CSE1L: variants seen among roughly 807,000 people sequenced by gnomAD.
The protein encoded by CSE1L is exportin-2.
CSE1L carries 24 observed loss-of-function variants against 120.4 expected under a neutral mutation model. That is an observed-to-expected ratio of 0.20 (90% CI 0.14 to 0.28). The LOEUF (loss-of-function observed/expected upper bound fraction) is 0.28, where lower values mean the gene tolerates loss of function less well. Among genes scored for constraint, CSE1L ranks in the 10% least tolerant of loss-of-function variants. The pLI, the probability that CSE1L is intolerant of heterozygous loss-of-function variation, is 1.00. For missense variants in CSE1L, 830 were observed against 1,145.2 expected (o/e 0.72, Z 3.97); for synonymous variants, 402 against 398.3 (o/e 1.01, Z -0.11).
chr20:49,074,264 A>C, intron 10 of CSE1L, among the ~76,000 whole-genome samples: 1 of 135,968 alleles, frequency 7.4e-6, no homozygotes, highest in Non-Finnish European at 1.6e-5. Flanking sequence ...TAGAGATGAG[A>C]TCTCGCTGTG....
At chr20:49,071,620 G>A (rs2091932271) in intron 8 of CSE1L, among the ~76,000 whole-genome samples, 1 of 152,098 alleles carries the variant, frequency 6.6e-6, no homozygotes, top group Non-Finnish European at 1.5e-5. Context: ...AAGTAGCAGG[G>A]ACTATGGGTA....
chr20:49,051,032 C>A (rs1215855835), intron 1 of CSE1L, among the ~76,000 whole-genome samples: 1 of 152,150 alleles, frequency 6.6e-6, no homozygotes, highest in African/African-American at 2.4e-5. Context: ...TTGTAAGGCT[C>A]TAGGGAGAGA....
chr20:49,092,185 A>G (rs1004049330), intron 22 of CSE1L, 58 bp downstream of exon 22: 4 of 885,632 alleles, frequency 4.5e-6, no homozygotes, highest in Non-Finnish European at 5.3e-6. Context: ...TTTTTTTAGT[A>G]CAAATCAGTA....
intron 5 of CSE1L, among the ~76,000 whole-genome samples, 177 bp downstream of exon 5, chr20:49,066,687 T>C (rs761582501): frequency 6.6e-6 from 1 of 152,124 alleles, no homozygotes; most frequent in Non-Finnish European, 1.5e-5. Flanking sequence ...TTCATATTGC[T>C]CTATTACCTG....
At chr20:49,053,589 G>T (rs1207959864) in intron 1 of CSE1L, among the ~76,000 whole-genome samples, 1 of 151,866 alleles carries the variant, frequency 6.6e-6, no homozygotes, top group Non-Finnish European at 1.5e-5. Context: ...GACCTCAGGT[G>T]ATCTGCCCCT....
At chr20:49,050,893 C>T (rs1224255646) in intron 1 of CSE1L, among the ~76,000 whole-genome samples, 1 of 152,054 alleles carries the variant, frequency 6.6e-6, no homozygotes, top group Non-Finnish European at 1.5e-5. Flanking sequence ...AAGGTTGTGT[C>T]CACCTCTTTC....
At chr20:49,094,348 T>A in intron 23 of CSE1L, 62 bp downstream of exon 23, 1 of 1,479,740 alleles carries the variant, frequency 6.8e-7, no homozygotes, top group Non-Finnish European at 9.3e-7. Flanking sequence ...ACTGCAAAAT[T>A]AACAAAGCTT....
At position 49,078,547 on chromosome 20, in the gene CSE1L, G is replaced by A. The variant is rs751757832; in HGVS notation, c.1421-14G>A. The A allele has an allele frequency of 3.9e-6, 6 of 1,550,804 alleles. No homozygotes were observed. In the East Asian group the frequency reaches 1.2e-4, roughly 30 times the overall value. On this transcript the variant is annotated splice_polypyrimidine_tract_variant and intron_variant, in intron 13 of 24. Transcript: ENST00000262982. The stretch of plus-strand genomic sequence containing the variant: ...ACCACTTAAGTAACTGTGGCTTTCT[G>A]TTTTTTTATATAGTGAATGAATTTC...
intron 12 of CSE1L, among the ~76,000 whole-genome samples, chr20:49,076,291 G>A (rs888960425): frequency 4.6e-5 from 7 of 152,068 alleles, no homozygotes; most frequent in African/African-American, 1.7e-4. Flanking sequence ...GGGTTCAAGT[G>A]ATTCTCCTGC....
chr20:49,072,459 A>G lies in CSE1L; in HGVS notation c.936+6A>G, dbSNP rs759994349. On this transcript the variant is annotated splice_donor_region_variant and intron_variant, in intron 9 of 24. Coordinates refer to ENST00000262982, the MANE Select transcript of CSE1L (RefSeq NM_001316.4). ...AAGAGGTTAAATATGATTTGGTAAG[A>G]TGATGGTGGAGACAAATAATTAAAA... 8 of 1,612,634 alleles carry G rather than the reference A, an allele frequency of 5.0e-6. No homozygotes were observed. The highest frequency in any genetic ancestry group is 2.2e-5 in the South Asian group (2 of 91,048).
At chr20:49,060,782 A>G (rs986692988) in intron 2 of CSE1L, among the ~76,000 whole-genome samples, 5 of 152,118 alleles carry the variant, frequency 3.3e-5, no homozygotes, top group Admixed American at 3.3e-4. Flanking sequence ...TCTCAAAAAA[A>G]AAAAAAATTG....
At position 49,061,317 on chromosome 20, in the gene CSE1L, C is replaced by T. The variant is rs563911517; in HGVS notation, c.86-1885C>T. On this transcript the variant is annotated intron_variant, in intron 2 of 24. Transcript: ENST00000262982. ...CCTCCTGAGTAGCTGGGACTACAGG[C>T]GCCCGCCACCATGCCTACCTAATTA... 2.6e-4 allele frequency among the ~76,000 whole-genome samples: 39 copies of T among 149,462 alleles called. 1 individual carries two copies. Among genetic ancestry groups the T allele is most frequent in the African/African-American group, 7.6e-4 (31 of 40,780 alleles).
At chr20:49,067,078 A>G in intron 5 of CSE1L, 112 bp from the exon 6 acceptor site, 1 of 450,154 alleles carries the variant, frequency 2.2e-6, no homozygotes, top group Non-Finnish European at 4.1e-6. Context: ...GAATTTCGGA[A>G]TTTCGGAAAC....
chr20:49,049,148 T>C (rs1264909710), intron 1 of CSE1L, among the ~76,000 whole-genome samples: 1 of 152,186 alleles, frequency 6.6e-6, no homozygotes, highest in Non-Finnish European at 1.5e-5. Context: ...GGTAGAGATT[T>C]CCAAAGATAG....
At chr20:49,069,151 A>G (rs933395744) in intron 7 of CSE1L, among the ~76,000 whole-genome samples, 3 of 152,152 alleles carry the variant, frequency 2.0e-5, no homozygotes, top group African/African-American at 7.2e-5. Context: ...GTTCATTTAT[A>G]TGGGTATTAA....
At chr20:49,060,311 GTC>G (rs2123674421) in intron 2 of CSE1L, among the ~76,000 whole-genome samples, 1 of 151,394 alleles carries the variant, frequency 6.6e-6, no homozygotes, top group South Asian at 2.1e-4. Context: ...GTGAAACCCT[GTC>G]TCTACTAAAA....
chr20:49,082,200 T>C (rs1351685301), intron 14 of CSE1L, among the ~76,000 whole-genome samples: 1 of 152,092 alleles, frequency 6.6e-6, no homozygotes, highest in Non-Finnish European at 1.5e-5. Context: ...TTTAGTATGC[T>C]GTAGGTTTTA....
At position 49,096,453 on chromosome 20, in the gene CSE1L, A is replaced by G; in HGVS notation, c.*15A>G. 6.3e-7 allele frequency: 1 copy of G among 1,592,886 alleles called. No homozygotes were observed. Among genetic ancestry groups the G allele is most frequent in the South Asian group, 1.1e-5 (1 of 90,726 alleles). On this transcript the variant is annotated 3_prime_UTR_variant, in exon 25 of 25. Coordinates refer to ENST00000262982, the MANE Select transcript of CSE1L (RefSeq NM_001316.4). ...CACTGCTTTAAACTGCATTTTTCTA[A>G]TGGGCTAAACCCAGATGGTTTCCTA...
intron 21 of CSE1L, among the ~76,000 whole-genome samples, chr20:49,091,390 C>T (rs2092099920): frequency 6.6e-6 from 1 of 151,582 alleles, no homozygotes; most frequent in East Asian, 1.9e-4. Context: ...ACACCCACTG[C>T]ACTCCATCCT....
Sources: gnomAD v4.1 joint callset for allele counts (sites outside exome capture counted in the v4.1 genomes callset) on GRCh38, gnomAD v4.1.1 for gene constraint, MANE v1.5 for transcripts, NCBI Gene and HGNC (gene_info 2026-07-23, HGNC 2026-07-21) for gene names.